The following AACS variants were observed in gnomAD, a reference collection of about 807,000 sequenced individuals.
AACS encodes the protein acetoacetyl-CoA synthetase.
A neutral mutation model predicts 83.1 loss-of-function variants in AACS; 69 were observed. The observed-to-expected ratio is 0.83, with a 90% CI of 0.68 to 1.01. The LOEUF (loss-of-function observed/expected upper bound fraction) is 1.01, where lower values mean the gene tolerates loss of function less well. Among genes scored for constraint, AACS ranks in the 50% least tolerant of loss-of-function variants. AACS has a pLI of 0.00. For synonymous variants in AACS, 333 were observed against 343.4 expected, an observed-to-expected ratio of 0.97 and a Z score of 0.33; for missense variants, 866 against 882.2, an observed-to-expected ratio of 0.98 and a Z score of 0.23.
At chr12:125,091,283 C>T (rs537635450) in intron 4 of AACS, 143 bp from the exon 5 acceptor site, 18 of 729,812 alleles carry the variant, frequency 2.5e-5, no homozygotes, top group East Asian at 1.1e-4. Flanking sequence ...TTCATCTGGG[C>T]GGGGGCTGGT....
At chr12:125,134,742 C>T in intron 15 of AACS, 52 bp from the exon 16 acceptor site, 1 of 1,608,260 alleles carries the variant, frequency 6.2e-7, no homozygotes, top group Non-Finnish European at 8.5e-7. Context: ...ACCCCTGGGA[C>T]TTGCTTCACT....
At position 125,097,920 on chromosome 12, in the gene AACS, G is replaced by A. The variant is rs529453403; in HGVS notation, c.571-4759G>A. On this transcript the variant is annotated intron_variant, in intron 5 of 17. Transcript: ENST00000316519. This position sits in a 1 kb window ranked among gnomAD's most constrained non-coding sequence, Gnocchi z 4.3. ...CATACGTTTGATTGAGCGGTTCCTC[G>A]GTTCCTCTGTGACCCCGGCTAGGCA... 2.0e-5 allele frequency among the ~76,000 whole-genome samples: 3 copies of A among 152,280 alleles called. No individual in the cohort carries two copies. The highest frequency in any genetic ancestry group is 1.9e-4 in the East Asian group (1 of 5,184).
intron 5 of AACS, chr12:125,101,509 G>T (rs150682884): frequency 2.0e-4 from 30 of 152,282 alleles, no homozygotes; most frequent in African/African-American, 7.2e-4. Flanking sequence ...TGAAGATTCC[G>T]AGAACCAAAA....
chr12:125,079,838 A>G (rs1033394904), intron 3 of AACS, among the ~76,000 whole-genome samples: 1 of 152,086 alleles, frequency 6.6e-6, no homozygotes, highest in Non-Finnish European at 1.5e-5. Flanking sequence ...AGGAAACCCC[A>G]TACCAATTAG....
At chr12:125,116,906 T>C (rs1957063358) in intron 9 of AACS, among the ~76,000 whole-genome samples, 2 of 135,176 alleles carry the variant, frequency 1.5e-5, no homozygotes. Context: ...TCTCCCTTCC[T>C]TTCCCGTTTT....
intron 4 of AACS, among the ~76,000 whole-genome samples, chr12:125,090,745 G>T (rs1956465343): frequency 6.6e-6 from 1 of 152,056 alleles, no homozygotes; most frequent in Non-Finnish European, 1.5e-5. Flanking sequence ...CCATCCATCT[G>T]CCAGCCGGCA....
intron 7 of AACS, among the ~76,000 whole-genome samples, chr12:125,104,378 G>A (rs567858146): frequency 8.5e-5 from 13 of 152,220 alleles, no homozygotes; most frequent in South Asian, 2.1e-4. Context: ...GCTTGTTACC[G>A]TCTGTCAGGG....
Position 125,092,898 on chromosome 12 carries a change from G to A in AACS, c.570+1375G>A, listed in dbSNP as rs528612754. Among the ~76,000 whole-genome samples the A allele has an allele frequency of 7.9e-5, 12 of 152,336 alleles. 1 individual carries two copies. Among genetic ancestry groups the A allele is most frequent in the African/African-American group, 2.9e-4 (12 of 41,572 alleles). On this transcript the variant is annotated intron_variant, in intron 5 of 17. Transcript: ENST00000316519. Reference sequence around the variant, plus strand: ...CCAGGCTGTCCAGGGCAGAGGGAAGGGCCCCAGGGTGAGACGGCAGGATGG... The same window carrying A: ...CCAGGCTGTCCAGGGCAGAGGGAAGAGCCCCAGGGTGAGACGGCAGGATGG...
At chr12:125,134,156 A>C in intron 15 of AACS, 84 bp downstream of exon 15, 6 of 1,452,234 alleles carry the variant, frequency 4.1e-6, no homozygotes, top group Non-Finnish European at 5.6e-6. Context: ...CTTTCTATAA[A>C]AGTCAGTGAC....
chr12:125,097,831 G>A lies in AACS; in HGVS notation c.571-4848G>A, dbSNP rs184321315. ...GCCAAACCAGGAGCTCGGGCTGTGC[G>A]CCACACCCTTTCACTCCCTTCCCTA... On this transcript the variant is annotated intron_variant, in intron 5 of 17. Transcript: ENST00000316519. The surrounding 1 kb of genome is among the most constrained non-coding windows in gnomAD (Gnocchi z 4.3). Among the ~76,000 whole-genome samples, 8 of 152,230 alleles carry A rather than the reference G, an allele frequency of 5.3e-5. No homozygotes were observed. The highest frequency in any genetic ancestry group is 4.2e-4 in the South Asian group (2 of 4,812).
rs768100904 is a variant in AACS, at chr12:125,134,819, G to C, written c.1645G>C (p.Val549Leu). 7 of 1,614,176 alleles carry C rather than the reference G, an allele frequency of 4.3e-6. No homozygotes were observed. Among genetic ancestry groups the C allele is most frequent in the Non-Finnish European group, 5.9e-6 (7 of 1,180,028 alleles). Residue 549 changes from valine (V) to leucine (L), a missense_variant, in exon 16 of 18, where the codon GTG becomes CTG. Physicochemically the swap from Val to Leu is conservative, Grantham distance 32 (BLOSUM62 1). Coordinates refer to ENST00000316519, the MANE Select transcript of AACS (RefSeq NM_023928.5). ...RSDGTLNPNG[V>L]RFGSSEIYNI... ...TGACGGCACCCTCAACCCCAACGGG[G>C]TGCGGTTCGGCAGCTCGGAAATCTA...
At chr12:125,080,011 A>C (rs1480138624) in intron 3 of AACS, among the ~76,000 whole-genome samples, 1 of 152,164 alleles carries the variant, frequency 6.6e-6, no homozygotes, top group African/African-American at 2.4e-5. Flanking sequence ...AGGTTCATCC[A>C]CATTGTAGCA....
Position 125,142,450 on chromosome 12 carries a change from C to T in AACS, c.*221C>T, listed in dbSNP as rs2136149823. On this transcript the variant is annotated 3_prime_UTR_variant, in exon 18 of 18. Coordinates refer to ENST00000316519, the MANE Select transcript of AACS (RefSeq NM_023928.5). Reference sequence around the variant, plus strand: ...GCCTTCAGAGACCAGGAGGGAGTGTCTGGGCCGCAGGTGTGGCACTGTGGT... The same window carrying T: ...GCCTTCAGAGACCAGGAGGGAGTGTTTGGGCCGCAGGTGTGGCACTGTGGT... The T allele has an allele frequency of 4.9e-6, 3 of 608,688 alleles. No individual in the cohort carries two copies. In the East Asian group the frequency reaches 8.9e-5, roughly 18 times the overall value. 37.7% of individuals were successfully genotyped at this position (608,688 alleles called of 1,614,324 possible).
chr12:125,093,379 G>A (rs1423805088), intron 5 of AACS, among the ~76,000 whole-genome samples: 2 of 152,232 alleles, frequency 1.3e-5, no homozygotes, highest in Non-Finnish European at 2.9e-5. Context: ...TGGCAGGGCT[G>A]GACCCCAGCC....
intron 8 of AACS, among the ~76,000 whole-genome samples, chr12:125,108,337 T>A (rs1956878433): frequency 6.6e-6 from 1 of 152,218 alleles, no homozygotes; most frequent in Admixed American, 6.5e-5. Context: ...TCTGTCCTCG[T>A]GTGATCTTTC....
At chr12:125,139,205 G>C (rs370996055) in intron 17 of AACS, 6 of 152,280 alleles carry the variant, frequency 3.9e-5, no homozygotes, top group African/African-American at 1.4e-4. Flanking sequence ...CACACTCCTT[G>C]TGTTGAGTAA....
At chr12:125,089,016 G>A (rs1353414183) in intron 4 of AACS, among the ~76,000 whole-genome samples, 3 of 152,156 alleles carry the variant, frequency 2.0e-5, no homozygotes, top group Non-Finnish European at 4.4e-5. Flanking sequence ...TGGTTCCCAG[G>A]GTTGGCGTCT....
rs187687360 is a variant in AACS at position 125,114,913 on chromosome 12, C to T, written c.996+356C>T. ...GTAAGGGCTTCCCCGGGCGCTGGCC[C>T]GTGACACATGGTAAGGGCTTCCCCG... is the stretch of plus-strand genomic sequence containing the variant. On this transcript the variant is annotated intron_variant, in intron 9 of 17. Transcript: ENST00000316519. 4.8e-3 allele frequency among the ~76,000 whole-genome samples: 725 copies of T among 151,702 alleles called. 4 individuals carry two copies. The highest frequency in any genetic ancestry group is 0.024 in the Middle Eastern group (7 of 292).
intron 3 of AACS, chr12:125,078,324 C>A (rs1442376473): frequency 2.2e-6 from 1 of 456,204 alleles, no homozygotes. Context: ...ATGCACATTC[C>A]TGGTGAAGAG....
Sources: gnomAD v4.1 joint callset for allele counts (sites outside exome capture counted in the v4.1 genomes callset) on GRCh38, gnomAD v4.1.1 for gene constraint, Gnocchi (gnomAD v3.1) non-coding constraint, MANE v1.5 for transcripts, NCBI Gene and HGNC (gene_info 2026-07-23, HGNC 2026-07-21) for gene names.